The following THSD7A variants were observed in gnomAD, a reference collection of about 807,000 sequenced individuals.
THSD7A encodes thrombospondin type 1 domain containing 7A.
A neutral mutation model predicts 231.3 loss-of-function variants in THSD7A; 96 were observed. The observed-to-expected ratio is 0.41, with a 90% confidence interval of 0.35 to 0.49. The LOEUF (loss-of-function observed/expected upper bound fraction) is 0.49. THSD7A is among the 20% of genes least tolerant of loss of function. The pLI is 0.05. For synonymous variants in THSD7A, 940 were observed against 743.3 expected (o/e 1.26, Z -4.30); for missense variants, 2,290 against 2,070.2 (o/e 1.11, Z -2.06).
chr7:11,470,043 T>A lies in THSD7A; in HGVS notation c.2253-49A>T, dbSNP rs767989704. The A allele has an allele frequency of 4.1e-4, 517 of 1,266,602 alleles. 1 individual carries two copies. The highest frequency in any genetic ancestry group is 5.6e-4 in the Middle Eastern group (3 of 5,396). 78.5% of individuals were successfully genotyped at this position (1,266,602 alleles called of 1,614,324 possible). A position where few individuals can be genotyped will look rare whatever the true frequency, so the allele number is the denominator to read the frequency against. On this transcript the variant is annotated intron_variant, in intron 8 of 27. Coordinates refer to ENST00000423059, the MANE Select transcript of THSD7A (RefSeq NM_015204.3). ...TAGGCTTCAATAGTAAAGCAGAAAA[T>A]CAGATAATTTAATTTCTCTAGAATT...
intron 1 of THSD7A, chr7:11,820,296 G>A (rs1784833670): frequency 1.8e-6 from 1 of 559,786 alleles, no homozygotes; most frequent in Non-Finnish European, 2.8e-6. Flanking sequence ...CCTGGGCAAG[G>A]AATTCCGTAA....
At chr7:11,722,813 A>G (rs188443748) in intron 1 of THSD7A, among the ~76,000 whole-genome samples, 2,259 of 152,128 alleles carry the variant, frequency 0.015, 57 homozygotes, top group African/African-American at 0.052. Flanking sequence ...CGATCATTAA[A>G]AAGTCAGGAA....
chr7:11,759,292 G>A (rs1045448990), intron 1 of THSD7A, among the ~76,000 whole-genome samples: 4 of 152,098 alleles, frequency 2.6e-5, no homozygotes, highest in African/African-American at 9.6e-5. Context: ...AGGCAAAAAT[G>A]ACCATGTAAT....
intron 13 of THSD7A, among the ~76,000 whole-genome samples, chr7:11,433,699 G>C (rs1784547304): frequency 6.6e-6 from 1 of 151,872 alleles, no homozygotes; most frequent in Admixed American, 6.6e-5. Context: ...ACTGAAAATA[G>C]AATCACCTGG....
At chr7:11,624,868 T>G (rs374673667) in intron 2 of THSD7A, among the ~76,000 whole-genome samples, 101 of 152,276 alleles carry the variant, frequency 6.6e-4, no homozygotes, top group African/African-American at 2.4e-3. Flanking sequence ...AACTAGGTAG[T>G]GACTACTATG....
At chr7:11,724,925 C>CTCTTCT (rs373126536) in intron 1 of THSD7A, among the ~76,000 whole-genome samples, 14 of 151,368 alleles carry the variant, frequency 9.2e-5, no homozygotes, top group Admixed American at 2.0e-4. Context: ...CTAACCTCAT[C>CTCTTCT]TCTTCTTCTT....
rs2115273347 is a variant in THSD7A, at chr7:11,373,099, A to C, written c.*2695T>G. ...TGTGTATATATATATATGCATGCAT[A>C]TATGCTGTAAAATCTAATTAATTTA... is the stretch of plus-strand genomic sequence containing the variant. On this transcript the variant is annotated 3_prime_UTR_variant, in exon 28 of 28. Coordinates refer to ENST00000423059, the MANE Select transcript of THSD7A (RefSeq NM_015204.3). 1 of 151,746 alleles carries C rather than the reference A, an allele frequency of 6.6e-6. No homozygotes were observed. Among genetic ancestry groups the C allele is most frequent in the Middle Eastern group, 3.4e-3 (1 of 294 alleles). The allele number at this position is 151,746 out of a possible 1,614,324, so 9.4% of individuals were successfully genotyped here. A position where few individuals can be genotyped will look rare whatever the true frequency, so the allele number is the denominator to read the frequency against.
chr7:11,486,643 G>C (rs1337571431), intron 6 of THSD7A, among the ~76,000 whole-genome samples: 1 of 152,148 alleles, frequency 6.6e-6, no homozygotes, highest in Non-Finnish European at 1.5e-5. Context: ...TTCTTAGCTA[G>C]ATTTTGACTG....
intron 9 of THSD7A, among the ~76,000 whole-genome samples, chr7:11,462,714 A>G (rs1221412675): frequency 6.6e-6 from 1 of 152,194 alleles, no homozygotes; most frequent in African/African-American, 2.4e-5. Flanking sequence ...TAGGGATCTA[A>G]GTAGTAAAAT....
At chr7:11,478,010 G>A (rs952484134) in intron 7 of THSD7A, among the ~76,000 whole-genome samples, 6 of 152,066 alleles carry the variant, frequency 3.9e-5, no homozygotes, top group African/African-American at 1.4e-4. Flanking sequence ...CTGTACCACA[G>A]AGTGTACTAG....
At chr7:11,386,286 C>T (rs913843723) in intron 23 of THSD7A, among the ~76,000 whole-genome samples, 2 of 152,138 alleles carry the variant, frequency 1.3e-5, no homozygotes, top group Non-Finnish European at 2.9e-5. Flanking sequence ...CTTGAGGAAC[C>T]ACCACACTAT....
intron 2 of THSD7A, among the ~76,000 whole-genome samples, chr7:11,617,879 C>G (rs759789426): frequency 2.0e-5 from 3 of 152,016 alleles, no homozygotes; most frequent in Non-Finnish European, 4.4e-5. Flanking sequence ...GGATATATAC[C>G]TAATGTAAAT....
In THSD7A at chr7:11,375,659, C is replaced by T. The variant is rs570246756; in HGVS notation, c.*135G>A. Reference sequence around the variant, plus strand: ...ATCTCCAGTGGCAGTATGATTTTCACTCTTGTCTTTATGATGCCATTTTTA... The same window carrying T: ...ATCTCCAGTGGCAGTATGATTTTCATTCTTGTCTTTATGATGCCATTTTTA... On this transcript the variant is annotated 3_prime_UTR_variant, in exon 28 of 28. Transcript: ENST00000423059. 1.2e-5 allele frequency: 8 copies of T among 690,714 alleles called. No homozygotes were observed. The highest frequency in any genetic ancestry group is 1.7e-5 in the Non-Finnish European group (7 of 411,212). 42.8% of individuals were successfully genotyped at this position (690,714 alleles called of 1,614,324 possible). A position where few individuals can be genotyped will look rare whatever the true frequency, so the allele number is the denominator to read the frequency against.
rs375711541 is a variant in THSD7A, at chr7:11,487,891, A to G, written c.1823-5909T>C. Among the ~76,000 whole-genome samples, 26 of 152,238 alleles carry G rather than the reference A, an allele frequency of 1.7e-4. No individual in the cohort carries two copies. The South Asian group carries it at 3.5e-3, about 21-fold the overall frequency. On this transcript the variant is annotated intron_variant, in intron 6 of 27. Transcript: ENST00000423059. ...GTGGGGACACAGCAAAACTATGTCA[A>G]TGTTCTGCCTATTCTCTAAACGCCT...
intron 8 of THSD7A, among the ~76,000 whole-genome samples, chr7:11,473,187 C>T (rs1786005650): frequency 6.6e-6 from 1 of 151,982 alleles, no homozygotes; most frequent in Admixed American, 6.6e-5. Context: ...TGTCTGGAAC[C>T]CTGGCCAGAC....
At chr7:11,696,607 C>T (rs1780409370) in intron 1 of THSD7A, among the ~76,000 whole-genome samples, 1 of 151,102 alleles carries the variant, frequency 6.6e-6, no homozygotes, top group East Asian at 2.0e-4. Context: ...CCCCGACAGG[C>T]CCCGCCAAAT....
chr7:11,786,791 T>C (rs1402337261), intron 1 of THSD7A, among the ~76,000 whole-genome samples: 2 of 147,520 alleles, frequency 1.4e-5, no homozygotes, highest in East Asian at 3.9e-4. Context: ...GAAAAACCAA[T>C]GTAATGCTAG....
chr7:11,388,548 A>AT (rs1300571721), intron 23 of THSD7A, among the ~76,000 whole-genome samples: 2 of 152,006 alleles, frequency 1.3e-5, no homozygotes, highest in African/African-American at 4.8e-5. Flanking sequence ...CCCCTTTATC[A>AT]TTTTTTATTG....
At chr7:11,643,060 T>C (rs565039422) in intron 1 of THSD7A, among the ~76,000 whole-genome samples, 68 of 152,164 alleles carry the variant, frequency 4.5e-4, no homozygotes, top group Non-Finnish European at 7.8e-4. Context: ...ATAAACACCA[T>C]AAAAGGAGCA....
Sources: allele counts gnomAD v4.1 joint callset (sites outside exome capture counted in the v4.1 genomes callset), GRCh38; gene constraint gnomAD v4.1.1; transcripts MANE v1.5; gene names NCBI Gene and HGNC (gene_info 2026-07-23, HGNC 2026-07-21).